Variants in GALP observed in about 807,000 individuals in gnomAD.
GALP encodes galanin-like peptide.
In GALP, 12 loss-of-function variants were observed where a neutral mutation model predicts 15.2. That is an observed-to-expected ratio of 0.79 (90% CI 0.51 to 1.28). The LOEUF (loss-of-function observed/expected upper bound fraction) is 1.28. Ranked by LOEUF, GALP falls within the 50% of genes most tolerant of loss-of-function variation. GALP has a pLI of 0.00. For missense variants in GALP, 161 were observed against 145.6 expected, an observed-to-expected ratio of 1.11 and a Z score of -0.55; for synonymous variants, 58 against 55.1, an observed-to-expected ratio of 1.05 and a Z score of -0.23.
rs557189139 is a variant in GALP, at chr19:56,178,992, T to G, written c.88-1594T>G. Among the ~76,000 whole-genome samples, 3 of 152,262 alleles carry G rather than the reference T, an allele frequency of 2.0e-5. No individual in the cohort carries two copies. In the South Asian group the frequency reaches 6.2e-4, roughly 32 times the overall value. ...GAGTTTGAGACCAGCTTGGCCAACA[T>G]GGCGAAACCCCCTGTCTCTATTAAA... is the stretch of plus-strand genomic sequence containing the variant. On this transcript the variant is annotated intron_variant, in intron 2 of 5. Transcript: ENST00000357330.
At chr19:56,182,976 C>T (rs2122172413) in intron 4 of GALP, among the ~76,000 whole-genome samples, 159 bp from the exon 5 acceptor site, 1 of 152,264 alleles carries the variant, frequency 6.6e-6, no homozygotes. Context: ...GCCGAGTACC[C>T]AGTGGTTATT....
Position 56,182,527 on chromosome 19 carries a change from A to C in GALP, c.217+275A>C, listed in dbSNP as rs541326085. 5.3e-5 allele frequency among the ~76,000 whole-genome samples: 8 copies of C among 152,222 alleles called. No homozygotes were observed. The East Asian group carries it at 1.4e-3, about 26-fold the overall frequency. ...GCATCAGACCTCACAGAATCCCTCC[A>C]CTTTGAAATGACATAAATGGAATAA... On this transcript the variant is annotated intron_variant, in intron 4 of 5. Coordinates refer to ENST00000357330, the MANE Select transcript of GALP (RefSeq NM_033106.4).
At chr19:56,182,062 TTGG>T in intron 3 of GALP, 107 bp from the exon 4 acceptor site, 1 of 782,926 alleles carries the variant, frequency 1.3e-6, no homozygotes, top group Non-Finnish European at 2.3e-6. Context: ...TCCGACAGAC[TTGG>T]TGGAGGCGCT....
chr19:56,179,487 T>A (rs1446644490), intron 2 of GALP, among the ~76,000 whole-genome samples: 1 of 150,724 alleles, frequency 6.6e-6, no homozygotes, highest in Non-Finnish European at 1.5e-5. Flanking sequence ...TATATATATA[T>A]ATTTTGTATT....
At chr19:56,180,488 G>A in intron 2 of GALP, 98 bp from the exon 3 acceptor site, 1 of 996,976 alleles carries the variant, frequency 1.0e-6, no homozygotes. Flanking sequence ...CCACAGGCCA[G>A]TGGGAAAGTC....
In GALP at chr19:56,177,139, C is replaced by T. The variant is rs760497650; in HGVS notation, c.31C>T (p.Leu11Phe). MAPPSVPLVL[L>F]LVLLLSLAET... ...TCCTCCCTCCGTCCCCCTGGTCCTC[C>T]TCCTCGTCCTCTTGCTGAGCCTGGC... Residue 11 changes from leucine to phenylalanine, a missense_variant, in exon 2 of 6, where the codon CTC becomes TTC. Coordinates refer to ENST00000357330, the MANE Select transcript of GALP (RefSeq NM_033106.4). The T allele has an allele frequency of 6.2e-7, 1 of 1,613,690 alleles. No homozygotes were observed. The highest frequency in any genetic ancestry group is 1.1e-5 in the South Asian group (1 of 91,038).
At chr19:56,180,547 T>A in intron 2 of GALP, 39 bp from the exon 3 acceptor site, 1 of 1,596,330 alleles carries the variant, frequency 6.3e-7, no homozygotes, top group Non-Finnish European at 8.6e-7. Context: ...TGCCCCGCTT[T>A]CTGTCTGCTT....
intron 2 of GALP, among the ~76,000 whole-genome samples, chr19:56,178,537 AAAAAAG>A (rs1435324246): frequency 6.7e-6 from 1 of 150,178 alleles, no homozygotes; most frequent in Admixed American, 6.6e-5. Context: ...AAAAAAAAAA[AAAAAAG>A]AGACGCCGGC....
intron 4 of GALP, 136 bp downstream of exon 4, chr19:56,182,388 C>A: frequency 1.6e-6 from 1 of 612,380 alleles, no homozygotes; most frequent in Non-Finnish European, 2.9e-6. Flanking sequence ...GCAAGTGATG[C>A]GTTTCCTTCA....
chr19:56,182,774 T>G (rs1599930725), intron 4 of GALP, among the ~76,000 whole-genome samples: 1 of 152,274 alleles, frequency 6.6e-6, no homozygotes, highest in East Asian at 1.9e-4. Context: ...GCCAGGCTGG[T>G]CTTGAATTCC....
intron 2 of GALP, among the ~76,000 whole-genome samples, chr19:56,177,836 A>G (rs79531059): frequency 0.066 from 10,102 of 152,200 alleles, 811 homozygotes; most frequent in East Asian, 0.39. Context: ...GAGAGTTAAC[A>G]GTTAACTCGG....
chr19:56,183,517 C>T (rs920132532), intron 5 of GALP, among the ~76,000 whole-genome samples: 1 of 152,220 alleles, frequency 6.6e-6, no homozygotes, highest in African/African-American at 2.4e-5. Flanking sequence ...TGATCTCCCC[C>T]AGTATCACTC....
At position 56,177,168 on chromosome 19, in the gene GALP, G is replaced by T. The variant is rs2032478684; in HGVS notation, c.60G>T (p.Glu20Asp). The stretch of plus-strand genomic sequence containing the variant: ...TCGTCCTCTTGCTGAGCCTGGCAGA[G>T]ACTCCAGCATCCGCACCTGCCCACC... Reference protein sequence around the residue: ...LLLVLLLSLAETPASAPAHRG... With the variant: ...LLLVLLLSLADTPASAPAHRG... Residue 20 changes from glutamate (E) to aspartate (D), a missense_variant, in exon 2 of 6, where the codon GAG (glutamate) becomes GAT (aspartate). Coordinates refer to ENST00000357330, the MANE Select transcript of GALP (RefSeq NM_033106.4). The T allele has an allele frequency of 6.2e-7, 1 of 1,613,438 alleles. No individual in the cohort carries two copies.
intron 3 of GALP, 87 bp from the exon 4 acceptor site, chr19:56,182,085 G>A: frequency 1.1e-6 from 1 of 936,578 alleles, no homozygotes; most frequent in South Asian, 1.3e-5. Flanking sequence ...TGCGTCCGGT[G>A]AGCCATGCTG....
At position 56,180,600 on chromosome 19, in the gene GALP, G is replaced by C. The variant is rs144813750; in HGVS notation, c.102G>C (p.Trp34Cys). The change falls in exon 3 of 6, where the codon TGG becomes TGC. Residue 34 changes from tryptophan (W) to cysteine (C), a missense_variant. Coordinates refer to ENST00000357330, the MANE Select transcript of GALP (RefSeq NM_033106.4). ...SAPAHRGRGG[W>C]TLNSAGYLLG... Reference sequence around the variant, plus strand: ...TCTCTATCCAGGGACGAGGAGGCTGGACCCTCAATAGTGCTGGCTACCTTC... The same window carrying C: ...TCTCTATCCAGGGACGAGGAGGCTGCACCCTCAATAGTGCTGGCTACCTTC... The C allele has an allele frequency of 6.2e-7, 1 of 1,613,894 alleles. No homozygotes were observed. Among genetic ancestry groups the C allele is most frequent in the African/African-American group, 1.3e-5 (1 of 74,884 alleles).
intron 2 of GALP, among the ~76,000 whole-genome samples, chr19:56,179,261 A>G (rs560718367): frequency 8.5e-4 from 129 of 151,544 alleles, no homozygotes; most frequent in Non-Finnish European, 1.2e-3. Context: ...AGTGTGTTGC[A>G]ATTTGTTGCA....
chr19:56,185,404 A>C lies in GALP; in HGVS notation c.*134A>C. On this transcript the variant is annotated 3_prime_UTR_variant, in exon 6 of 6. Transcript: ENST00000357330. ...AGGTCTCATGAAGACATTGTAAAGC[A>C]TTTGAATTATTCTAAAAAATTTCTG... is the stretch of plus-strand genomic sequence containing the variant. 1 of 525,088 alleles carries C rather than the reference A, an allele frequency of 1.9e-6. No homozygotes were observed. Among genetic ancestry groups the C allele is most frequent in the Non-Finnish European group, 3.3e-6 (1 of 301,302 alleles). The allele number at this position is 525,088 out of a possible 1,614,324, so 32.5% of individuals were successfully genotyped here.
Position 56,179,474 on chromosome 19 carries a change from T to TTATA in GALP, c.88-1100_88-1097dup, listed in dbSNP as rs202004071. Reference sequence around the variant, plus strand: ...AGGCACCCGCCACCACGCCCGGCTATTATATATATATATATTTTGTATTTT... The same window carrying TTATA: ...AGGCACCCGCCACCACGCCCGGCTATTATATATATATATATATATTTTGTATTTT... On this transcript the variant is annotated intron_variant, in intron 2 of 5. Transcript: ENST00000357330. 3.4e-5 allele frequency among the ~76,000 whole-genome samples: 5 copies of TTATA among 148,698 alleles called. No individual in the cohort carries two copies. The East Asian group carries it at 6.2e-4, about 19-fold the overall frequency.
chr19:56,179,232 A>G (rs2032519107), intron 2 of GALP, among the ~76,000 whole-genome samples: 1 of 152,096 alleles, frequency 6.6e-6, no homozygotes, highest in Non-Finnish European at 1.5e-5. Context: ...CCTGGGTTTG[A>G]GTCCCAGCTG....
Sources: gnomAD v4.1 joint callset for allele counts (sites outside exome capture counted in the v4.1 genomes callset) on GRCh38, gnomAD v4.1.1 for gene constraint, MANE v1.5 for transcripts, NCBI Gene and HGNC (gene_info 2026-07-23, HGNC 2026-07-21) for gene names.